The following GRID2 variants were observed in gnomAD, a reference collection of about 807,000 sequenced individuals.
GRID2 encodes the protein glutamate receptor ionotropic, delta-2.
GRID2 carries 33 observed loss-of-function variants against 114.8 expected under a neutral mutation model. The observed-to-expected ratio is 0.29, with a 90% CI of 0.22 to 0.38. The LOEUF (loss-of-function observed/expected upper bound fraction) is 0.38, where lower values mean the gene tolerates loss of function less well. Ranked by LOEUF, GRID2 falls within the 10% of genes least tolerant of loss-of-function variation. The pLI is 1.00. For synonymous variants in GRID2, 505 were observed against 449.9 expected, an observed-to-expected ratio of 1.12 and a Z score of -1.55; for missense variants, 1,184 against 1,257.7, an observed-to-expected ratio of 0.94 and a Z score of 0.89.
At chr4:92,894,130 CAT>C (rs1746986774) in intron 2 of GRID2, among the ~76,000 whole-genome samples, 1 of 152,110 alleles carries the variant, frequency 6.6e-6, no homozygotes, top group South Asian at 2.1e-4. Flanking sequence ...TTAACAAAAA[CAT>C]ACATTATATT....
intron 8 of GRID2, among the ~76,000 whole-genome samples, chr4:93,331,569 C>T (rs1281375614): frequency 1.3e-5 from 2 of 151,920 alleles, no homozygotes; most frequent in African/African-American, 4.8e-5. Context: ...ATATAATCTC[C>T]AAAAGTATAT....
At chr4:93,430,916 A>G (rs1363646248) in intron 10 of GRID2, among the ~76,000 whole-genome samples, 1 of 152,246 alleles carries the variant, frequency 6.6e-6, no homozygotes, top group East Asian at 1.9e-4. Flanking sequence ...AAGTAAAGGT[A>G]GAAAGGTTAG....
At chr4:93,622,587 T>C (rs115279123) in intron 13 of GRID2, among the ~76,000 whole-genome samples, 383 of 152,236 alleles carry the variant, frequency 2.5e-3, no homozygotes, top group African/African-American at 9.0e-3. Flanking sequence ...TAAACTAGGG[T>C]CTAGGGTACC....
intron 1 of GRID2, among the ~76,000 whole-genome samples, chr4:92,561,002 C>A (rs1727079703): frequency 6.6e-6 from 1 of 152,114 alleles, no homozygotes; most frequent in Admixed American, 6.5e-5. Context: ...GCCAAGGCAC[C>A]CGGCCGCTTT....
chr4:92,408,733 G>C (rs923330503), intron 1 of GRID2, among the ~76,000 whole-genome samples: 10 of 151,464 alleles, frequency 6.6e-5, no homozygotes, highest in African/African-American at 1.9e-4. Context: ...CATTTTGTTT[G>C]TGACTATGAT....
At chr4:93,530,793 T>C (rs539894918) in intron 13 of GRID2, among the ~76,000 whole-genome samples, 14 of 152,278 alleles carry the variant, frequency 9.2e-5, no homozygotes, top group African/African-American at 3.4e-4. Flanking sequence ...TCTTTCCAAC[T>C]TGAGTGACTA....
At chr4:92,385,969 G>GA (rs959215538) in intron 1 of GRID2, among the ~76,000 whole-genome samples, 6 of 145,950 alleles carry the variant, frequency 4.1e-5, no homozygotes, top group East Asian at 4.0e-4. Flanking sequence ...CCTCCAATAG[G>GA]AAAAAAAATA....
At chr4:92,542,777 A>G (rs1726041603) in intron 1 of GRID2, among the ~76,000 whole-genome samples, 1 of 152,150 alleles carries the variant, frequency 6.6e-6, no homozygotes, top group African/African-American at 2.4e-5. Flanking sequence ...AAACTATTGA[A>G]ATAAAAATTT....
chr4:92,694,285 A>C (rs566927471), intron 2 of GRID2, among the ~76,000 whole-genome samples: 1 of 152,212 alleles, frequency 6.6e-6, no homozygotes, highest in South Asian at 2.1e-4. Context: ...AAGGTAAAGG[A>C]ACACTGCAGC....
chr4:92,988,173 T>G (rs1410248857), intron 2 of GRID2, among the ~76,000 whole-genome samples: 1 of 152,180 alleles, frequency 6.6e-6, no homozygotes, highest in Non-Finnish European at 1.5e-5. Context: ...TGGGTGCTTC[T>G]GGCTCAGGGT....
chr4:93,483,363 AG>A (rs1726061526), intron 11 of GRID2, among the ~76,000 whole-genome samples: 1 of 151,952 alleles, frequency 6.6e-6, no homozygotes, highest in Non-Finnish European at 1.5e-5. Context: ...TTTTTAAAAA[AG>A]GTATTAGTTT....
chr4:92,634,165 C>T (rs1730950479), intron 2 of GRID2, among the ~76,000 whole-genome samples: 3 of 151,370 alleles, frequency 2.0e-5, no homozygotes, highest in South Asian at 2.1e-4. Flanking sequence ...AGAAAGTTTA[C>T]GAGTTTATGT....
At chr4:93,035,600 T>A (rs1263019006) in intron 2 of GRID2, among the ~76,000 whole-genome samples, 1 of 152,272 alleles carries the variant, frequency 6.6e-6, no homozygotes, top group East Asian at 1.9e-4. Context: ...AATGAAGATA[T>A]AACCTAGGCT....
At chr4:93,502,388 T>C (rs568263581) in intron 12 of GRID2, among the ~76,000 whole-genome samples, 91 of 152,160 alleles carry the variant, frequency 6.0e-4, no homozygotes, top group Middle Eastern at 3.4e-3. Flanking sequence ...ACCAATGAGA[T>C]ATCTTAATAA....
At chr4:92,904,120 T>G (rs570038707) in intron 2 of GRID2, among the ~76,000 whole-genome samples, 8 of 151,870 alleles carry the variant, frequency 5.3e-5, no homozygotes, top group Non-Finnish European at 8.8e-5. Flanking sequence ...AACTTTAAAT[T>G]TGGTTCTAGA....
chr4:93,701,591 T>A (rs888357105), intron 14 of GRID2, among the ~76,000 whole-genome samples: 2 of 152,152 alleles, frequency 1.3e-5, no homozygotes, highest in African/African-American at 4.8e-5. Flanking sequence ...ATTTACATTA[T>A]CTTGAACAGA....
intron 2 of GRID2, among the ~76,000 whole-genome samples, chr4:92,762,162 C>T (rs932726550): frequency 1.3e-5 from 2 of 152,144 alleles, no homozygotes; most frequent in African/African-American, 2.4e-5. Flanking sequence ...ATCCACCCCC[C>T]TCAGCCTCCC....
chr4:92,646,884 A>C (rs1399002016), intron 2 of GRID2, among the ~76,000 whole-genome samples: 1 of 146,274 alleles, frequency 6.8e-6, no homozygotes, highest in Non-Finnish European at 1.5e-5. Flanking sequence ...ACAGTCTTTG[A>C]ATTCTTTTTT....
intron 2 of GRID2, among the ~76,000 whole-genome samples, chr4:92,660,525 A>T (rs973745973): frequency 6.6e-6 from 1 of 151,242 alleles, no homozygotes; most frequent in East Asian, 1.9e-4. Flanking sequence ...CCAAGCGATT[A>T]GCAAAATTCG....
Sources: allele counts gnomAD v4.1 joint callset (sites outside exome capture counted in the v4.1 genomes callset), GRCh38; gene constraint gnomAD v4.1.1; transcripts MANE v1.5; gene names NCBI Gene and HGNC (gene_info 2026-07-23, HGNC 2026-07-21).